The following FGD3 variants were observed in gnomAD, a reference collection of about 807,000 sequenced individuals.
FGD3 encodes FYVE, RhoGEF and PH domain containing 3.
A neutral mutation model predicts 71.8 loss-of-function variants in FGD3; 45 were observed. That is an observed-to-expected ratio of 0.63 (90% CI 0.49 to 0.80). The LOEUF (loss-of-function observed/expected upper bound fraction) is 0.80, where lower values mean the gene tolerates loss of function less well. Ranked by LOEUF, FGD3 falls within the 30% of genes least tolerant of loss-of-function variation. The pLI is 0.00. For missense variants in FGD3, 844 were observed against 951.5 expected, an observed-to-expected ratio of 0.89 and a Z score of 1.49; for synonymous variants, 378 against 392.8, an observed-to-expected ratio of 0.96 and a Z score of 0.44.
rs1564174745 is a variant in FGD3, at chr9:93,034,694, A to AC, written c.1926+17dup. 6.2e-7 allele frequency: 1 copy of AC among 1,608,880 alleles called. No individual in the cohort carries two copies. Among genetic ancestry groups the AC allele is most frequent in the Non-Finnish European group, 8.5e-7 (1 of 1,178,066 alleles). On this transcript the variant is annotated intron_variant, in intron 17 of 17. Transcript: ENST00000375482. The stretch of plus-strand genomic sequence containing the variant: ...GGGAGGCAGCCAGGTACGTGTCCCC[A>AC]CCCCACCAGGCCCTCAGGCCAGCAG...
intron 1 of FGD3, among the ~76,000 whole-genome samples, chr9:92,957,546 T>A (rs1290674869): frequency 2.6e-5 from 4 of 152,170 alleles, no homozygotes; most frequent in Admixed American, 1.3e-4. Context: ...ATTTTAAAAA[T>A]GGAATCGTTT....
At chr9:92,990,069 T>G (rs1860347916) in intron 3 of FGD3, among the ~76,000 whole-genome samples, 2 of 152,208 alleles carry the variant, frequency 1.3e-5, no homozygotes, top group South Asian at 4.1e-4. Context: ...ATATTGATTT[T>G]GTGCCCTTCA....
At position 92,948,264 on chromosome 9, in the gene FGD3, G is replaced by A. The variant is rs567265485; in HGVS notation, c.-218+535G>A. Among the ~76,000 whole-genome samples, 344 of 152,298 alleles carry A rather than the reference G, an allele frequency of 2.3e-3. 1 individual carries two copies. The highest frequency in any genetic ancestry group is 3.7e-3 in the Non-Finnish European group (250 of 68,030). The stretch of plus-strand genomic sequence containing the variant: ...TTTGTTACCTTATTCTTGCCACTCG[G>A]CATTTCCCCTAAGTGTCACTTCTCA... On this transcript the variant is annotated intron_variant, in intron 1 of 17. Coordinates refer to ENST00000375482, the MANE Select transcript of FGD3 (RefSeq NM_001083536.2).
In FGD3 at chr9:93,003,317, C is replaced by T. The variant is rs1435765726; in HGVS notation, c.543+303C>T. Among the ~76,000 whole-genome samples, 21 of 151,988 alleles carry T rather than the reference C, an allele frequency of 1.4e-4. No individual in the cohort carries two copies. The highest frequency in any genetic ancestry group is 6.6e-4 in the Admixed American group (10 of 15,250). On this transcript the variant is annotated intron_variant, in intron 4 of 17. Transcript: ENST00000375482. The surrounding 1 kb of genome is among the most constrained non-coding windows in gnomAD (Gnocchi z 4.1). The stretch of plus-strand genomic sequence containing the variant: ...CTAATTTTTGTATTTATAGTAGAGA[C>T]GGGGTTTCACCATATTTGTCAGGCT...
Position 93,014,096 on chromosome 9 carries a change from G to A in FGD3, c.1182+98G>A, listed in dbSNP as rs533252012. On this transcript the variant is annotated intron_variant, in intron 9 of 17. Transcript: ENST00000375482. ...GAGGGCTCTGGCTGCCCAAGGACAT[G>A]GCTCTTCTGTGGCCTCTCCTACTGG... The A allele has an allele frequency of 7.4e-5, 107 of 1,441,466 alleles. No homozygotes were observed. The African/African-American group carries it at 1.5e-3, about 20-fold the overall frequency. The allele number at this position is 1,441,466 out of a possible 1,614,324, so 89.3% of individuals were successfully genotyped here.
In FGD3 at chr9:92,976,539, G is replaced by C. The variant is rs757245016; in HGVS notation, c.283G>C (p.Gly95Arg). Residue 95 changes from glycine (G) to arginine (R), a missense_variant, in exon 3 of 18, where the codon GGC becomes CGC. Transcript: ENST00000375482. ...VAGENFPCEE[G>R]LEAGPSPTVL... ...TGGAGAGAACTTTCCCTGCGAGGAG[G>C]GCTTGGAGGCTGGCCCAAGCCCCAC... 1.9e-6 allele frequency: 3 copies of C among 1,612,638 alleles called. No homozygotes were observed. Among genetic ancestry groups the C allele is most frequent in the Non-Finnish European group, 2.5e-6 (3 of 1,179,832 alleles).
chr9:92,977,233 T>C (rs1036275998), intron 3 of FGD3, among the ~76,000 whole-genome samples: 1 of 151,998 alleles, frequency 6.6e-6, no homozygotes, highest in African/African-American at 2.4e-5. Flanking sequence ...CGCAGTGCAG[T>C]GTGGAGACCA....
At chr9:93,029,263 A>G (rs1296003298) in intron 14 of FGD3, among the ~76,000 whole-genome samples, 1 of 149,334 alleles carries the variant, frequency 6.7e-6, no homozygotes, top group Non-Finnish European at 1.5e-5. Context: ...CTGGTCTCAA[A>G]CTCCTGACCT....
chr9:92,983,516 C>T (rs1025450608), intron 3 of FGD3, among the ~76,000 whole-genome samples: 3 of 152,122 alleles, frequency 2.0e-5, no homozygotes, highest in African/African-American at 7.2e-5. Flanking sequence ...CAGAGCGAGA[C>T]TCCATCTCAA....
intron 3 of FGD3, among the ~76,000 whole-genome samples, chr9:92,981,111 G>A (rs1453334234): frequency 2.6e-5 from 4 of 152,110 alleles, no homozygotes; most frequent in Non-Finnish European, 1.5e-5. Flanking sequence ...GCTCACGCCT[G>A]TAATCCCAGC....
Position 93,013,905 on chromosome 9 carries a change from C to A in FGD3, c.1089C>A (p.Asp363Glu). 1 of 1,612,798 alleles carries A rather than the reference C, an allele frequency of 6.2e-7. No individual in the cohort carries two copies. Among genetic ancestry groups the A allele is most frequent in the Non-Finnish European group, 8.5e-7 (1 of 1,179,532 alleles). The change falls in exon 9 of 18, where the codon GAC becomes GAA. Residue 363 changes from aspartate (D) to glutamate (E), a missense_variant. By Grantham distance (45) the Asp-to-Glu change is conservative. Transcript: ENST00000375482. ...EVYEQLGGEE[D>E]IVNPANELIK... ...ACGAGCAGCTGGGTGGGGAAGAAGACATTGTCAACCCGGCCAATGAACTGA... is the reference window on the plus strand; with the variant it reads ...ACGAGCAGCTGGGTGGGGAAGAAGAAATTGTCAACCCGGCCAATGAACTGA...
At chr9:93,025,121 G>T (rs1270427591) in intron 14 of FGD3, among the ~76,000 whole-genome samples, 1 of 152,184 alleles carries the variant, frequency 6.6e-6, no homozygotes, top group African/African-American at 2.4e-5. Context: ...TGCCTCGATG[G>T]GTGCGCCCAG....
chr9:92,983,062 A>T (rs906507421), intron 3 of FGD3, among the ~76,000 whole-genome samples: 1 of 151,692 alleles, frequency 6.6e-6, no homozygotes, highest in African/African-American at 2.4e-5. Flanking sequence ...CCCCAACCTG[A>T]GCAACAGAGT....
intron 9 of FGD3, 33 bp from the exon 10 acceptor site, chr9:93,015,702 GCT>G: frequency 6.3e-7 from 1 of 1,588,948 alleles, no homozygotes; most frequent in Non-Finnish European, 8.6e-7. Flanking sequence ...CCTGCGGGCA[GCT>G]CTCGTTCCTC....
In FGD3 at chr9:93,011,240, G is replaced by A. The variant is rs775651464; in HGVS notation, c.1003G>A (p.Ala335Thr). ...GTCCTTGGAGCTCATCTCCACAGCC[G>A]CCAACCACTCCAATGCTGCCATTCG... Reference protein sequence around the residue: ...ERSLELISTAANHSNAAIRKV... With the variant: ...ERSLELISTATNHSNAAIRKV... Residue 335 changes from alanine (A) to threonine (T), a missense_variant, in exon 8 of 18, where the codon GCC becomes ACC. Physicochemically the swap from Ala to Thr is moderately conservative, Grantham distance 58 (BLOSUM62 0). Coordinates refer to ENST00000375482, the MANE Select transcript of FGD3 (RefSeq NM_001083536.2). 31 of 1,614,044 alleles carry A rather than the reference G, an allele frequency of 1.9e-5. No individual in the cohort carries two copies. The highest frequency in any genetic ancestry group is 3.3e-5 in the Admixed American group (2 of 60,004).
In FGD3 at chr9:92,962,891, CTT is replaced by C. The variant is rs1355030963; in HGVS notation, c.-217-12345_-217-12344del. ...GAAGGTGGAGGTTGAAGTGAGCTGA[CTT>C]TGCGCCACTGCACTCCAGCCTGGGC... On this transcript the variant is annotated intron_variant, in intron 1 of 17. Transcript: ENST00000375482. Among the ~76,000 whole-genome samples, 7 of 147,618 alleles carry C rather than the reference CTT, an allele frequency of 4.7e-5. No homozygotes were observed. In the South Asian group the frequency reaches 1.5e-3, roughly 31 times the overall value.
In FGD3 at chr9:93,018,228, C is replaced by T; in HGVS notation, c.1355+13C>T. ...AGCTGCAGACGCGGTATGGAACGGG[C>T]TGTTTCTAGTGAATGTCTTTGACCT... On this transcript the variant is annotated intron_variant, in intron 11 of 17. Coordinates refer to ENST00000375482, the MANE Select transcript of FGD3 (RefSeq NM_001083536.2). 6.2e-7 allele frequency: 1 copy of T among 1,609,312 alleles called. No homozygotes were observed. Among genetic ancestry groups the T allele is most frequent in the Non-Finnish European group, 8.5e-7 (1 of 1,175,932 alleles).
chr9:93,027,715 C>CTTTTTTTTTTTTTT (rs1199094054), intron 14 of FGD3, among the ~76,000 whole-genome samples: 32 of 101,996 alleles, frequency 3.1e-4, no homozygotes, highest in South Asian at 6.9e-4. Context: ...TTCTTTCTTT[C>CTTTTTTTTTTTTTT]TTTTTTTTTT....
chr9:92,981,172 T>C (rs1859978729), intron 3 of FGD3, among the ~76,000 whole-genome samples: 1 of 149,772 alleles, frequency 6.7e-6, no homozygotes, highest in South Asian at 2.1e-4. Context: ...ATCGAGACCA[T>C]CCTGGCTAAC....
Sources: allele counts gnomAD v4.1 joint callset (sites outside exome capture counted in the v4.1 genomes callset), GRCh38; gene constraint gnomAD v4.1.1; non-coding constraint Gnocchi (gnomAD v3.1); transcripts MANE v1.5; gene names NCBI Gene and HGNC (gene_info 2026-07-23, HGNC 2026-07-21).